The following CEP83 variants were observed in gnomAD, a reference collection of about 807,000 sequenced individuals.
CEP83 encodes the protein centrosomal protein 83, also known as centrosomal protein of 83 kDa.
In CEP83, 70 loss-of-function variants were observed where a neutral mutation model predicts 101.9. That is an observed-to-expected ratio of 0.69 (90% CI 0.57 to 0.84). CEP83 has a LOEUF of 0.84. CEP83 is among the 40% of genes least tolerant of loss of function. The probability of loss-of-function intolerance (pLI) is 0.00; values close to 1 mark genes in which losing one functional copy is unlikely to be tolerated. For synonymous variants in CEP83, 264 were observed against 267.9 expected (o/e 0.99, Z 0.14); for missense variants, 715 against 787.2 (o/e 0.91, Z 1.10).
rs184771304 is a variant in CEP83, at chr12:94,421,639, A to G, written c.-101-9048T>C. ...AAATATTATCTCCATGCATCACTTA[A>G]CAAGGATATGCTCTGATAAACTCAT... On this transcript the variant is annotated intron_variant, in intron 2 of 16. Transcript: ENST00000397809. Among the ~76,000 whole-genome samples, 32 of 152,342 alleles carry G rather than the reference A, an allele frequency of 2.1e-4. 1 individual carries two copies. The East Asian group carries it at 6.2e-3, about 29-fold the overall frequency.
intron 1 of CEP83, among the ~76,000 whole-genome samples, chr12:94,440,602 T>C (rs1288252325): frequency 1.3e-5 from 2 of 150,966 alleles, no homozygotes; most frequent in East Asian, 3.9e-4. Flanking sequence ...ATTGTGAAAA[T>C]GACCATACTG....
At chr12:94,331,299 A>G (rs1355771261) in intron 14 of CEP83, among the ~76,000 whole-genome samples, 1 of 133,592 alleles carries the variant, frequency 7.5e-6, no homozygotes, top group South Asian at 2.2e-4. Flanking sequence ...GAAAAAAAAA[A>G]AAAAAAAAAA....
chr12:94,265,870 A>G, the CEP83 span, among the ~76,000 whole-genome samples: 2 of 152,080 alleles, frequency 1.3e-5, no homozygotes, highest in Non-Finnish European at 2.9e-5. Flanking sequence ...TGCTCTTCCT[A>G]AAGAAAGAAA....
chr12:94,434,787 T>G (rs2065878800), intron 2 of CEP83, among the ~76,000 whole-genome samples: 1 of 152,210 alleles, frequency 6.6e-6, no homozygotes, highest in South Asian at 2.1e-4. Flanking sequence ...ACACATAGCC[T>G]GAAGGTAATT....
intron 6 of CEP83, among the ~76,000 whole-genome samples, chr12:94,388,635 T>A (rs918651587): frequency 6.6e-6 from 1 of 152,208 alleles, no homozygotes; most frequent in Non-Finnish European, 1.5e-5. Flanking sequence ...TTAAGTAGAA[T>A]AAAGTATTAC....
chr12:94,310,682 A>G (rs1029941341), intron 15 of CEP83, among the ~76,000 whole-genome samples: 3 of 152,212 alleles, frequency 2.0e-5, no homozygotes, highest in Non-Finnish European at 4.4e-5. Context: ...AAGTAGACCC[A>G]TGCAGTTCAA....
chr12:94,409,536 A>T (rs2063752338), intron 4 of CEP83, among the ~76,000 whole-genome samples: 1 of 152,238 alleles, frequency 6.6e-6, no homozygotes, highest in Non-Finnish European at 1.5e-5. Context: ...CACTGAAAGC[A>T]CTGAAGCAGA....
At chr12:94,433,164 G>T (rs1186083708) in intron 2 of CEP83, among the ~76,000 whole-genome samples, 1 of 152,168 alleles carries the variant, frequency 6.6e-6, no homozygotes, top group Non-Finnish European at 1.5e-5. Flanking sequence ...TTATTCCATG[G>T]TCTTGGAGAG....
At chr12:94,453,340 C>A (rs2067399482) in intron 1 of CEP83, among the ~76,000 whole-genome samples, 1 of 152,276 alleles carries the variant, frequency 6.6e-6, no homozygotes, top group East Asian at 1.9e-4. Context: ...TTCCTCCGGG[C>A]CAAGTTGAAT....
chr12:94,276,727 G>A, the CEP83 span, among the ~76,000 whole-genome samples: 1 of 152,304 alleles, frequency 6.6e-6, no homozygotes, highest in East Asian at 1.9e-4. Flanking sequence ...TCACATGTTG[G>A]TTCCTTCTAG....
the CEP83 span, among the ~76,000 whole-genome samples, chr12:94,289,232 G>C: frequency 2.4e-4 from 37 of 152,268 alleles, no homozygotes; most frequent in Middle Eastern, 3.4e-3. Context: ...TAAAGTTGTT[G>C]ATATGGGTCT....
chr12:94,285,252 C>T, the CEP83 span, among the ~76,000 whole-genome samples: 5 of 152,216 alleles, frequency 3.3e-5, no homozygotes, highest in African/African-American at 9.6e-5. Context: ...GACAGGTCTG[C>T]ACCAGGAAGG....
chr12:94,429,593 TG>T (rs2065466637), intron 2 of CEP83, among the ~76,000 whole-genome samples: 2 of 152,192 alleles, frequency 1.3e-5, no homozygotes, highest in African/African-American at 4.8e-5. Flanking sequence ...TTCCTGATGC[TG>T]GGGCCAAAGT....
At chr12:94,385,133 C>T (rs1218035321) in intron 6 of CEP83, among the ~76,000 whole-genome samples, 1 of 152,028 alleles carries the variant, frequency 6.6e-6, no homozygotes, top group Non-Finnish European at 1.5e-5. Flanking sequence ...CTGTTGATAC[C>T]CAAGGTGGGA....
intron 8 of CEP83, among the ~76,000 whole-genome samples, chr12:94,373,561 C>T (rs1157146795): frequency 2.0e-5 from 3 of 152,140 alleles, no homozygotes; most frequent in Admixed American, 6.5e-5. Context: ...TAAATAAGGA[C>T]AACTCTGTTG....
At chr12:94,382,068 C>A (rs147914127) in intron 6 of CEP83, among the ~76,000 whole-genome samples, 9 of 152,130 alleles carry the variant, frequency 5.9e-5, no homozygotes, top group African/African-American at 2.2e-4. Flanking sequence ...CTGCCAATTT[C>A]ACATTAAATG....
At chr12:94,268,146 C>G in the CEP83 span, among the ~76,000 whole-genome samples, 7 of 152,178 alleles carry the variant, frequency 4.6e-5, no homozygotes, top group African/African-American at 1.7e-4. Context: ...CAGCTAAATG[C>G]TCAGAAGCAC....
At chr12:94,444,537 A>G (rs2066656741) in intron 1 of CEP83, among the ~76,000 whole-genome samples, 1 of 152,260 alleles carries the variant, frequency 6.6e-6, no homozygotes, top group South Asian at 2.1e-4. Context: ...GAAACTAATT[A>G]GAGATGCACA....
chr12:94,304,276 A>T, downstream of CEP83: 1 of 409,858 alleles, frequency 2.4e-6, no homozygotes, highest in Non-Finnish European at 4.4e-6. Context: ...CTGAATTTAC[A>T]TTTGAGTTCA....
Sources: gnomAD v4.1 joint callset for allele counts (sites outside exome capture counted in the v4.1 genomes callset) on GRCh38, gnomAD v4.1.1 for gene constraint, MANE v1.5 for transcripts, NCBI Gene and HGNC (gene_info 2026-07-23, HGNC 2026-07-21) for gene names.